The following GNB1 variants were observed in gnomAD, a reference collection of about 807,000 sequenced individuals.
GNB1 encodes the protein G protein subunit beta 1.
A neutral mutation model predicts 42.9 loss-of-function variants in GNB1; 2 were observed. The ratio of observed to expected loss-of-function variants is 0.05; its 90% CI spans 0.02 to 0.15. GNB1 has a LOEUF of 0.15. Ranked by LOEUF, GNB1 falls within the 10% of genes least tolerant of loss-of-function variation. The probability of loss-of-function intolerance (pLI) is 1.00; values close to 1 mark genes in which losing one functional copy is unlikely to be tolerated. For missense variants in GNB1, 193 were observed against 462.2 expected (o/e 0.42, Z 5.34); for synonymous variants, 183 against 174.7 (o/e 1.05, Z -0.38).
At chr1:1,867,690 C>T (rs1342887576) in intron 1 of GNB1, among the ~76,000 whole-genome samples, 1 of 152,106 alleles carries the variant, frequency 6.6e-6, no homozygotes, top group Non-Finnish European at 1.5e-5. Flanking sequence ...TTCTAATTTT[C>T]CTGCCTTTGA....
intron 1 of GNB1, among the ~76,000 whole-genome samples, chr1:1,855,523 AACCCCATCT>A (rs1648239329): frequency 6.6e-6 from 1 of 151,732 alleles, no homozygotes; most frequent in Non-Finnish European, 1.5e-5. Flanking sequence ...AACACAGTGA[AACCCCATCT>A]CTACTAAAAA....
At chr1:1,817,415 G>A (rs1230541327) in intron 4 of GNB1, among the ~76,000 whole-genome samples, 1 of 152,152 alleles carries the variant, frequency 6.6e-6, no homozygotes, top group Non-Finnish European at 1.5e-5. Context: ...GTGTGTGTTT[G>A]AAAAGCAGTG....
At chr1:1,889,596 G>A (rs1456318567) in intron 1 of GNB1, among the ~76,000 whole-genome samples, 1 of 150,142 alleles carries the variant, frequency 6.7e-6, no homozygotes. Context: ...AGGATCGCTT[G>A]AGCCCCAGAG....
intron 3 of GNB1, among the ~76,000 whole-genome samples, chr1:1,822,825 A>G (rs1230661104): frequency 1.3e-5 from 2 of 152,166 alleles, no homozygotes; most frequent in African/African-American, 2.4e-5. Context: ...AGCTCTTTCC[A>G]TCTGCTATGA....
chr1:1,871,656 C>T (rs187439120), intron 1 of GNB1, among the ~76,000 whole-genome samples: 19 of 152,296 alleles, frequency 1.2e-4, no homozygotes, highest in African/African-American at 2.9e-4. Context: ...GGCTGTTAGC[C>T]GGCGGTTGGC....
At chr1:1,795,883 C>G (rs1157600299) in intron 7 of GNB1, among the ~76,000 whole-genome samples, 1 of 152,210 alleles carries the variant, frequency 6.6e-6, no homozygotes, top group Non-Finnish European at 1.5e-5. Flanking sequence ...ACCCTAAAAT[C>G]ACAGCTCTCA....
At chr1:1,849,527 C>A (rs1195919009) in intron 1 of GNB1, among the ~76,000 whole-genome samples, 1 of 152,124 alleles carries the variant, frequency 6.6e-6, no homozygotes, top group Non-Finnish European at 1.5e-5. Context: ...CCACTTCAGT[C>A]TCCTGAGTAG....
At chr1:1,847,353 TAC>T (rs1221921537) in intron 1 of GNB1, among the ~76,000 whole-genome samples, 1 of 152,194 alleles carries the variant, frequency 6.6e-6, no homozygotes, top group Non-Finnish European at 1.5e-5. Context: ...AGTCAGGAAG[TAC>T]ACTTTGCCAG....
At chr1:1,849,895 T>A (rs1393454830) in intron 1 of GNB1, among the ~76,000 whole-genome samples, 1 of 152,180 alleles carries the variant, frequency 6.6e-6, no homozygotes, top group Non-Finnish European at 1.5e-5. Context: ...TTTGAATATT[T>A]CTTCTGCCCC....
chr1:1,831,350 G>A (rs1176416293), intron 2 of GNB1, among the ~76,000 whole-genome samples: 1 of 152,070 alleles, frequency 6.6e-6, no homozygotes, highest in East Asian at 1.9e-4. Flanking sequence ...ATAGTTACTG[G>A]AATAACTGTA....
intron 1 of GNB1, among the ~76,000 whole-genome samples, chr1:1,875,263 C>T (rs1649479741): frequency 6.6e-6 from 1 of 151,916 alleles, no homozygotes; most frequent in Non-Finnish European, 1.5e-5. Context: ...GTGATCTCAG[C>T]TCACTGCAAC....
intron 1 of GNB1, among the ~76,000 whole-genome samples, chr1:1,849,738 T>C (rs1184309981): frequency 6.6e-6 from 1 of 152,072 alleles, no homozygotes; most frequent in Non-Finnish European, 1.5e-5. Flanking sequence ...ATTCAAAACT[T>C]TCTCTTTGAC....
chr1:1,859,540 G>A (rs1238691024), intron 1 of GNB1, among the ~76,000 whole-genome samples: 1 of 152,114 alleles, frequency 6.6e-6, no homozygotes, highest in Non-Finnish European at 1.5e-5. Context: ...TGGCCTAAAG[G>A]CATTTGGAGA....
chr1:1,801,790 T>TA, intron 7 of GNB1, among the ~76,000 whole-genome samples: 1 of 152,104 alleles, frequency 6.6e-6, no homozygotes, highest in Non-Finnish European at 1.5e-5. Context: ...ATAAGAAATA[T>TA]AAATGTGCAA....
chr1:1,866,654 T>TA (rs1240284416), intron 1 of GNB1, among the ~76,000 whole-genome samples: 162 of 138,734 alleles, frequency 1.2e-3, no homozygotes, highest in Middle Eastern at 3.7e-3. Context: ...AAAAAATCGC[T>TA]AAAAAAAAAT....
intron 10 of GNB1, 53 bp downstream of exon 10, chr1:1,788,999 TA>T: frequency 1.6e-6 from 2 of 1,281,674 alleles, no homozygotes; most frequent in Non-Finnish European, 2.3e-6. Flanking sequence ...GTGTTTGCTC[TA>T]AAGATACCAC....
intron 3 of GNB1, among the ~76,000 whole-genome samples, chr1:1,822,120 A>G (rs983828685): frequency 3.3e-5 from 5 of 152,138 alleles, no homozygotes; most frequent in African/African-American, 1.2e-4. Flanking sequence ...AAAAAAATGA[A>G]AAAAACCTTG....
chr1:1,822,611 G>A lies in GNB1; in HGVS notation c.57+2786C>T, dbSNP rs1026582994. Among the ~76,000 whole-genome samples, 20 of 152,132 alleles carry A rather than the reference G, an allele frequency of 1.3e-4. No homozygotes were observed. The East Asian group carries it at 3.3e-3, about 25-fold the overall frequency. On this transcript the variant is annotated intron_variant, in intron 3 of 11. Transcript: ENST00000378609. ...ATTACAGGCGTCAGCCACCGCGCCC[G>A]ACCTCTTTTTACATTTTTTATGTGG...
At chr1:1,807,463 GAAA>G (rs533616486) in intron 5 of GNB1, among the ~76,000 whole-genome samples, 3 of 25,580 alleles carry the variant, frequency 1.2e-4, no homozygotes, top group African/African-American at 6.8e-4. Flanking sequence ...GATCCTGACT[GAAA>G]AAAAAAAAAA....
Sources: allele counts gnomAD v4.1 joint callset (sites outside exome capture counted in the v4.1 genomes callset), GRCh38; gene constraint gnomAD v4.1.1; transcripts MANE v1.5; gene names NCBI Gene and HGNC (gene_info 2026-07-23, HGNC 2026-07-21).